HMBOX1: variants seen among roughly 807,000 people sequenced by gnomAD.
The protein encoded by HMBOX1 is homeobox-containing protein 1.
Under a neutral mutation model 54.5 loss-of-function variants are expected in HMBOX1, and 14 were observed. The ratio of observed to expected loss-of-function variants is 0.26; its 90% CI spans 0.17 to 0.40. The LOEUF is 0.40. Ranked by LOEUF, HMBOX1 falls within the 10% of genes least tolerant of loss-of-function variation. HMBOX1 has a pLI of 1.00. For synonymous variants in HMBOX1, 160 were observed against 181.0 expected, an observed-to-expected ratio of 0.88 and a Z score of 0.93; for missense variants, 332 against 514.4, an observed-to-expected ratio of 0.65 and a Z score of 3.43.
intron 1 of HMBOX1, chr8:28,924,654 C>T (rs529553613): frequency 6.6e-6 from 1 of 152,138 alleles, no homozygotes; most frequent in South Asian, 2.1e-4. Flanking sequence ...TCGCTCTTGT[C>T]CATGCTGGAG....
chr8:28,908,940 A>T (rs1238520828), intron 1 of HMBOX1, among the ~76,000 whole-genome samples: 2 of 151,982 alleles, frequency 1.3e-5, no homozygotes, highest in Admixed American at 1.3e-4. Context: ...TCTACAAAAA[A>T]TTTTTAAAAA....
rs193212419 is a variant in HMBOX1, at chr8:28,988,911, A to T, written c.586+8755A>T. 8.3e-4 allele frequency among the ~76,000 whole-genome samples: 126 copies of T among 152,082 alleles called. 2 individuals carry two copies. Among genetic ancestry groups the T allele is most frequent in the Admixed American group, 7.7e-3 (118 of 15,270 alleles). ...ATCTTTCAAAGAGCAAATGTTTTAA[A>T]TTTTTATGAAGTTATATTTATCATT... On this transcript the variant is annotated intron_variant, in intron 4 of 9. Transcript: ENST00000287701.
intron 1 of HMBOX1, among the ~76,000 whole-genome samples, chr8:28,896,166 C>T (rs956407367): frequency 2.0e-5 from 3 of 152,228 alleles, no homozygotes; most frequent in Non-Finnish European, 4.4e-5. Flanking sequence ...GTACCTACTT[C>T]ATAGGATTAT....
At chr8:29,049,540 A>G in intron 9 of HMBOX1, 1 of 1,220,348 alleles carries the variant, frequency 8.2e-7, no homozygotes, top group South Asian at 1.9e-5. Context: ...CTCCTGCCCA[A>G]AGGAGTGGTT....
At chr8:28,904,249 C>CTTT (rs753359325) in intron 1 of HMBOX1, among the ~76,000 whole-genome samples, 3 of 139,432 alleles carry the variant, frequency 2.2e-5, no homozygotes, top group Non-Finnish European at 3.1e-5. Flanking sequence ...TTCCAAATCT[C>CTTT]TTTTTTTTTT....
At chr8:28,960,765 CTTTTTTTTTTTTTTTTTTTTTTTTT>C (rs1162477676) in intron 1 of HMBOX1, among the ~76,000 whole-genome samples, 1 of 16,260 alleles carries the variant, frequency 6.2e-5, no homozygotes, top group Non-Finnish European at 1.3e-4. Flanking sequence ...TTTTCTTTTT[CTTTTTTTTTTTTTTTTTTTTTTTTT>C]TTTTTTTTTT....
intron 1 of HMBOX1, among the ~76,000 whole-genome samples, chr8:28,923,740 A>G (rs1169129000): frequency 6.6e-6 from 1 of 152,150 alleles, no homozygotes; most frequent in Admixed American, 6.5e-5. Context: ...ATACAAGGGT[A>G]CCACTTTTTC....
chr8:29,048,262 A>T (rs1805903026), intron 8 of HMBOX1, among the ~76,000 whole-genome samples: 1 of 152,240 alleles, frequency 6.6e-6, no homozygotes, highest in Non-Finnish European at 1.5e-5. Flanking sequence ...TTATGTATAT[A>T]TACACATATC....
At chr8:29,009,523 C>CTTTTTTTTTTTTT (rs10706846) in intron 5 of HMBOX1, 2 of 451,984 alleles carry the variant, frequency 4.4e-6, no homozygotes, top group African/African-American at 3.5e-5. Flanking sequence ...TTCCGTATCT[C>CTTTTTTTTTTTTT]TTTTTTTTTT....
chr8:29,047,564 CTT>C (rs33978272), intron 8 of HMBOX1, 111 bp downstream of exon 8: 13,174 of 304,496 alleles, frequency 0.043, 2 homozygotes, highest in South Asian at 0.057. Flanking sequence ...CCTAACTTCT[CTT>C]TTTTTTTTTT....
At chr8:28,926,837 ACT>A (rs1339747421) in intron 1 of HMBOX1, among the ~76,000 whole-genome samples, 2 of 152,152 alleles carry the variant, frequency 1.3e-5, no homozygotes, top group Non-Finnish European at 2.9e-5. Flanking sequence ...GAGCCACCAC[ACT>A]TGGCCTGTAA....
At chr8:28,944,960 C>A (rs1296492360) in intron 1 of HMBOX1, among the ~76,000 whole-genome samples, 1 of 152,050 alleles carries the variant, frequency 6.6e-6, no homozygotes, top group African/African-American at 2.4e-5. Flanking sequence ...ACCTGCCTAG[C>A]TCTGGATTTC....
At chr8:29,008,169 G>GT (rs1228435969) in intron 4 of HMBOX1, among the ~76,000 whole-genome samples, 2 of 152,136 alleles carry the variant, frequency 1.3e-5, no homozygotes, top group Non-Finnish European at 2.9e-5. Context: ...AAACTGCCTT[G>GT]TGGACTTACA....
At chr8:28,985,976 C>T (rs530834210) in intron 4 of HMBOX1, among the ~76,000 whole-genome samples, 1 of 152,236 alleles carries the variant, frequency 6.6e-6, no homozygotes, top group Non-Finnish European at 1.5e-5. Flanking sequence ...ATTGGTTTTG[C>T]ACATTCTTTG....
chr8:29,044,203 G>A (rs980013221), intron 6 of HMBOX1, among the ~76,000 whole-genome samples: 1 of 152,130 alleles, frequency 6.6e-6, no homozygotes, highest in Non-Finnish European at 1.5e-5. Flanking sequence ...ACAATAGGAT[G>A]GCATTTCCAC....
chr8:29,013,450 A>G (rs755259879), intron 5 of HMBOX1, among the ~76,000 whole-genome samples: 1 of 151,568 alleles, frequency 6.6e-6, no homozygotes, highest in Non-Finnish European at 1.5e-5. Flanking sequence ...CTTTTTTTCA[A>G]CCTCTTCAGT....
At chr8:29,028,922 A>G (rs961617328) in intron 6 of HMBOX1, among the ~76,000 whole-genome samples, 1 of 152,202 alleles carries the variant, frequency 6.6e-6, no homozygotes, top group African/African-American at 2.4e-5. Flanking sequence ...TTTATTAACC[A>G]CAGTGAGATT....
intron 1 of HMBOX1, among the ~76,000 whole-genome samples, chr8:28,920,477 A>C (rs1221416510): frequency 6.6e-6 from 1 of 152,190 alleles, no homozygotes; most frequent in Non-Finnish European, 1.5e-5. Flanking sequence ...AACTGTTAAG[A>C]TATTATATGA....
At chr8:28,980,727 A>AT (rs1563516919) in intron 4 of HMBOX1, among the ~76,000 whole-genome samples, 1 of 152,038 alleles carries the variant, frequency 6.6e-6, no homozygotes, top group South Asian at 2.1e-4. Context: ...TTCAGATTGC[A>AT]TTTTTTAATG....
Sources: gnomAD v4.1 joint callset for allele counts (sites outside exome capture counted in the v4.1 genomes callset) on GRCh38, gnomAD v4.1.1 for gene constraint, MANE v1.5 for transcripts, NCBI Gene and HGNC (gene_info 2026-07-23, HGNC 2026-07-21) for gene names.